The following INTS3 variants were observed in gnomAD, a reference collection of about 807,000 sequenced individuals.
INTS3 encodes the protein integrator complex subunit 3, also known as SOSS complex subunit A.
A neutral mutation model predicts 146.3 loss-of-function variants in INTS3; 34 were observed. That is an observed-to-expected ratio of 0.23 (90% CI 0.18 to 0.31). INTS3 has a LOEUF of 0.31. Among genes scored for constraint, INTS3 ranks in the 10% least tolerant of loss-of-function variants. The pLI is 1.00. For synonymous variants in INTS3, 475 were observed against 494.9 expected, an observed-to-expected ratio of 0.96 and a Z score of 0.53; for missense variants, 757 against 1,304.2, an observed-to-expected ratio of 0.58 and a Z score of 6.46.
chr1:153,754,578 A>G lies in INTS3; in HGVS notation c.860-64A>G, dbSNP rs964687303. On this transcript the variant is annotated intron_variant, in intron 8 of 29. Transcript: ENST00000318967. ...TCAGTACCTGGCCCAGGTTCCCAAC[A>G]TGCCTTTCATTCTTTCTGGTCCTTA... 2.5e-5 allele frequency: 29 copies of G among 1,140,624 alleles called. 1 individual carries two copies. In the East Asian group the frequency reaches 6.3e-4, roughly 25 times the overall value. 70.7% of individuals were successfully genotyped at this position (1,140,624 alleles called of 1,614,324 possible). A position where few individuals can be genotyped will look rare whatever the true frequency, so the allele number is the denominator to read the frequency against.
At chr1:153,744,033 A>ATGTGTGTGTGTG (rs1385828293) in intron 3 of INTS3, among the ~76,000 whole-genome samples, 37 of 102,410 alleles carry the variant, frequency 3.6e-4, no homozygotes, top group African/African-American at 1.5e-3. Flanking sequence ...GAGGGTGTGC[A>ATGTGTGTGTGTG]TGTGCGTGTG....
intron 3 of INTS3, among the ~76,000 whole-genome samples, chr1:153,743,078 A>G (rs1054859226): frequency 2.0e-5 from 3 of 152,250 alleles, no homozygotes; most frequent in Non-Finnish European, 2.9e-5. Flanking sequence ...GAGCCAGGTC[A>G]GAGCATGATG....
At chr1:153,760,738 C>G (rs1025993612) in intron 12 of INTS3, 89 bp from the exon 13 acceptor site, 27 of 1,102,182 alleles carry the variant, frequency 2.4e-5, no homozygotes, top group African/African-American at 2.2e-4. Flanking sequence ...GTCCCCTGAT[C>G]AAAACCAAAG....
intron 7 of INTS3, 69 bp downstream of exon 7, chr1:153,751,308 C>T: frequency 6.8e-7 from 1 of 1,479,418 alleles, no homozygotes; most frequent in African/African-American, 1.4e-5. Flanking sequence ...GAGGTTTATG[C>T]AGTGGAGTCA....
In INTS3 at chr1:153,748,769, C is replaced by A. The variant is rs138135327; in HGVS notation, c.584+14C>A. ...GACAGAGCAAAGGTAGCATCCACCA[C>A]GAAGGGTGGGGTACAGGCCAGATAA... On this transcript the variant is annotated intron_variant, in intron 6 of 29. Coordinates refer to ENST00000318967, the MANE Select transcript of INTS3 (RefSeq NM_023015.5). 8.5e-5 allele frequency: 136 copies of A among 1,606,248 alleles called. No individual in the cohort carries two copies. The African/African-American group carries it at 1.6e-3, about 18-fold the overall frequency.
intron 13 of INTS3, 189 bp downstream of exon 13, chr1:153,761,107 A>G (rs1214275555): frequency 2.8e-6 from 4 of 1,419,140 alleles, no homozygotes; most frequent in East Asian, 2.5e-5. Context: ...TCGTATTACA[A>G]AGGTCTTCAA....
intron 18 of INTS3, among the ~76,000 whole-genome samples, 174 bp from the exon 19 acceptor site, chr1:153,764,516 G>A (rs564840883): frequency 6.6e-6 from 1 of 152,316 alleles, no homozygotes; most frequent in East Asian, 1.9e-4. Flanking sequence ...CAAAGGGCAA[G>A]AGCGTGGTCC....
chr1:153,765,730 C>T (rs1474074474), intron 20 of INTS3, among the ~76,000 whole-genome samples: 1 of 152,018 alleles, frequency 6.6e-6, no homozygotes, highest in Non-Finnish European at 1.5e-5. Flanking sequence ...CCACCACGCC[C>T]AGCTAAGTTT....
At chr1:153,738,694 A>G (rs1671397115) in intron 1 of INTS3, among the ~76,000 whole-genome samples, 1 of 152,150 alleles carries the variant, frequency 6.6e-6, no homozygotes, top group South Asian at 2.1e-4. Context: ...CTTTCTCTGA[A>G]AAGTTTCACC....
chr1:153,760,421 G>C (rs1385165809), intron 12 of INTS3, 31 bp downstream of exon 12: 1 of 1,553,878 alleles, frequency 6.4e-7, no homozygotes, highest in Non-Finnish European at 8.9e-7. Flanking sequence ...TTCTCCCCAT[G>C]CCTGGATGAG....
At chr1:153,752,926 ATCCCTT>A (rs1189784346) in intron 8 of INTS3, among the ~76,000 whole-genome samples, 1 of 151,966 alleles carries the variant, frequency 6.6e-6, no homozygotes, top group Non-Finnish European at 1.5e-5. Context: ...TCCTTTTTAT[ATCCCTT>A]TCCCTTTCCC....
intron 21 of INTS3, among the ~76,000 whole-genome samples, chr1:153,768,495 C>T (rs1250707202): frequency 6.6e-6 from 1 of 152,230 alleles, no homozygotes; most frequent in East Asian, 1.9e-4. Context: ...ACCTCTTTGG[C>T]CAAAGGTCAG....
chr1:153,765,146 G>T, intron 20 of INTS3, 83 bp downstream of exon 20: 1 of 1,476,466 alleles, frequency 6.8e-7, no homozygotes, highest in South Asian at 1.2e-5. Flanking sequence ...CCCAACCCTG[G>T]ACTGTCATCA....
intron 6 of INTS3, chr1:153,750,793 C>T: frequency 2.5e-6 from 1 of 402,234 alleles, no homozygotes; most frequent in Non-Finnish European, 4.5e-6. Flanking sequence ...ATGAATGAGT[C>T]AACAAAGAGA....
chr1:153,737,337 G>A (rs915372592), intron 1 of INTS3, among the ~76,000 whole-genome samples: 5 of 152,170 alleles, frequency 3.3e-5, no homozygotes, highest in Admixed American at 2.6e-4. Flanking sequence ...ATTGACTTAC[G>A]AGTCGCATTT....
rs1279566935 is a variant in INTS3, at chr1:153,772,635, C to CT, written c.2822-3dup. 4 of 1,614,092 alleles carry CT rather than the reference C, an allele frequency of 2.5e-6. No individual in the cohort carries two copies. The highest frequency in any genetic ancestry group is 3.4e-6 in the Non-Finnish European group (4 of 1,180,048). Reference sequence around the variant, plus strand: ...CTTCCCTGCTCTCCCTTTTCTTCCTCTAGTTTTTAGCCAGACGCCAATTCT... The same window carrying CT: ...CTTCCCTGCTCTCCCTTTTCTTCCTCTTAGTTTTTAGCCAGACGCCAATTCT... On this transcript the variant is annotated splice_polypyrimidine_tract_variant and splice_region_variant and intron_variant, in intron 27 of 29. Transcript: ENST00000318967. This position sits in a 1 kb window ranked among gnomAD's most constrained non-coding sequence, Gnocchi z 4.6.
rs1672982458 is a variant in INTS3 at position 153,773,227 on chromosome 1, G to A, written c.3086G>A (p.Arg1029Gln). The A allele has an allele frequency of 1.9e-6, 3 of 1,614,044 alleles. No homozygotes were observed. Among genetic ancestry groups the A allele is most frequent in the Non-Finnish European group, 2.5e-6 (3 of 1,180,026 alleles). Residue 1029 changes from arginine to glutamine, a missense_variant, in exon 30 of 30, where the codon CGG (arginine) becomes CAG (glutamine). By Grantham distance (43) the Arg-to-Gln change is conservative (BLOSUM62 1). Around this residue, in one of 8 missense-constraint regions of INTS3, gnomAD observed 125 missense variants for 165.6 expected, o/e 0.75. Coordinates refer to ENST00000318967, the MANE Select transcript of INTS3 (RefSeq NM_023015.5). ...GACACGAAACCGAAGCCTACCAAGC[G>A]GAAACGAAAAGGGTCCTCTGCAGTG... ...EEDTKPKPTK[R>Q]KRKGSSAVGS...
At chr1:153,745,287 G>T (rs1286067154) in intron 3 of INTS3, among the ~76,000 whole-genome samples, 2 of 151,744 alleles carry the variant, frequency 1.3e-5, no homozygotes, top group Admixed American at 1.3e-4. Context: ...CTCCCTTGTA[G>T]TTGGGACTAC....
intron 11 of INTS3, 78 bp from the exon 12 acceptor site, chr1:153,760,232 CA>C (rs58951043): frequency 0.11 from 44,003 of 389,066 alleles, 85 homozygotes; most frequent in African/African-American, 0.17. Flanking sequence ...GACTCTGTTT[CA>C]AAAAAAAAAA....
Sources: gnomAD v4.1 joint callset for allele counts (sites outside exome capture counted in the v4.1 genomes callset) on GRCh38, gnomAD v4.1.1 for gene constraint, gnomAD v4.1.1 regional missense constraint, Gnocchi (gnomAD v3.1) non-coding constraint, MANE v1.5 for transcripts, NCBI Gene and HGNC (gene_info 2026-07-23, HGNC 2026-07-21) for gene names.